Variants in NSMCE2 observed in about 807,000 individuals in gnomAD.
NSMCE2 encodes the protein NSE2 SUMO ligase component of SMC5/6 complex, also known as E3 SUMO-protein ligase NSE2.
NSMCE2 carries 24 observed loss-of-function variants against 23.8 expected under a neutral mutation model. That is an observed-to-expected ratio of 1.01 (90% confidence interval 0.73 to 1.42). The LOEUF (loss-of-function observed/expected upper bound fraction) is 1.42, where lower values mean the gene tolerates loss of function less well. Ranked by LOEUF, NSMCE2 falls within the 40% of genes most tolerant of loss-of-function variation. The pLI, the probability that NSMCE2 is intolerant of heterozygous loss-of-function variation, is 0.00. For synonymous variants in NSMCE2, 92 were observed against 94.1 expected (o/e 0.98, Z 0.13); for missense variants, 284 against 296.5 (o/e 0.96, Z 0.31).
chr8:125,213,512 CTCCT>C (rs1824435584), intron 5 of NSMCE2, among the ~76,000 whole-genome samples: 1 of 137,866 alleles, frequency 7.3e-6, no homozygotes, highest in African/African-American at 2.7e-5. Flanking sequence ...CTCCTCTCCT[CTCCT>C]CTCCTCTCCT....
At chr8:125,294,447 C>T (rs547916452) in intron 5 of NSMCE2, among the ~76,000 whole-genome samples, 57 of 152,284 alleles carry the variant, frequency 3.7e-4, no homozygotes, top group Middle Eastern at 3.4e-3. Flanking sequence ...AATTGCTCCG[C>T]GTCCTCACCA....
intron 5 of NSMCE2, among the ~76,000 whole-genome samples, chr8:125,247,046 G>A (rs1304892914): frequency 1.3e-5 from 2 of 150,964 alleles, no homozygotes; most frequent in East Asian, 3.9e-4. Context: ...AATATTAAGA[G>A]GCCTGGCATG....
intron 5 of NSMCE2, among the ~76,000 whole-genome samples, chr8:125,327,499 T>G (rs1314900323): frequency 1.3e-5 from 2 of 152,148 alleles, no homozygotes; most frequent in Non-Finnish European, 2.9e-5. Flanking sequence ...TTTTACACCT[T>G]ATTTCTTGAT....
At chr8:125,247,494 G>A (rs1826034732) in intron 5 of NSMCE2, among the ~76,000 whole-genome samples, 1 of 152,144 alleles carries the variant, frequency 6.6e-6, no homozygotes, top group Admixed American at 6.5e-5. Flanking sequence ...GGAGCCCAAG[G>A]CCGGTGGATT....
chr8:125,278,529 C>T (rs1286889640), intron 5 of NSMCE2, among the ~76,000 whole-genome samples: 1 of 152,204 alleles, frequency 6.6e-6, no homozygotes, highest in Non-Finnish European at 1.5e-5. Flanking sequence ...TTGCCCTTCA[C>T]ACTCAGGGTG....
intron 7 of NSMCE2, among the ~76,000 whole-genome samples, chr8:125,360,526 A>G (rs1813491163): frequency 6.6e-6 from 1 of 152,184 alleles, no homozygotes; most frequent in African/African-American, 2.4e-5. Flanking sequence ...TGAGAGGATC[A>G]ATCAGCGGAA....
At chr8:125,177,461 A>G (rs1586568656) in intron 4 of NSMCE2, among the ~76,000 whole-genome samples, 1 of 152,154 alleles carries the variant, frequency 6.6e-6, no homozygotes, top group Admixed American at 6.5e-5. Flanking sequence ...AACTATATTC[A>G]TTGGTTCACA....
chr8:125,142,785 G>T (rs928759662), intron 3 of NSMCE2, among the ~76,000 whole-genome samples: 9 of 141,786 alleles, frequency 6.3e-5, no homozygotes, highest in Non-Finnish European at 1.2e-4. Flanking sequence ...TGTATTTTTA[G>T]TAGAGACGGT....
chr8:125,353,659 C>T (rs1418896628), intron 5 of NSMCE2, among the ~76,000 whole-genome samples: 2 of 151,806 alleles, frequency 1.3e-5, no homozygotes, highest in Non-Finnish European at 2.9e-5. Flanking sequence ...CTGAGGCAGG[C>T]GGATCACAAG....
intron 5 of NSMCE2, among the ~76,000 whole-genome samples, chr8:125,226,352 A>G (rs1205309987): frequency 6.6e-6 from 1 of 152,212 alleles, no homozygotes. Context: ...GATAAATTCT[A>G]ATCATGGGAC....
At chr8:125,259,885 C>G (rs1371360223) in intron 5 of NSMCE2, among the ~76,000 whole-genome samples, 1 of 152,166 alleles carries the variant, frequency 6.6e-6, no homozygotes, top group Non-Finnish European at 1.5e-5. Context: ...GATCTTCTGA[C>G]TTCTAGCTCT....
At chr8:125,155,762 G>A (rs1214051144) in intron 4 of NSMCE2, among the ~76,000 whole-genome samples, 1 of 152,176 alleles carries the variant, frequency 6.6e-6, no homozygotes, top group African/African-American at 2.4e-5. Flanking sequence ...GGTAGGTTTG[G>A]AGAGTGAACA....
chr8:125,097,659 T>C (rs1352080661), intron 1 of NSMCE2, among the ~76,000 whole-genome samples: 1 of 152,182 alleles, frequency 6.6e-6, no homozygotes, highest in East Asian at 1.9e-4. Flanking sequence ...GTTTGTGTAA[T>C]CGGTTTCTTT....
intron 5 of NSMCE2, among the ~76,000 whole-genome samples, chr8:125,312,387 A>C (rs778594336): frequency 6.6e-6 from 1 of 152,070 alleles, no homozygotes; most frequent in Non-Finnish European, 1.5e-5. Context: ...GCACTTTGGG[A>C]GGCTGAGGCG....
chr8:125,184,864 A>ATAT (rs1823016541), intron 5 of NSMCE2, among the ~76,000 whole-genome samples: 1 of 152,122 alleles, frequency 6.6e-6, no homozygotes, highest in Non-Finnish European at 1.5e-5. Context: ...ATCTGTTTTG[A>ATAT]GATATGTTCT....
At chr8:125,312,656 T>C (rs1484144920) in intron 5 of NSMCE2, among the ~76,000 whole-genome samples, 1 of 152,072 alleles carries the variant, frequency 6.6e-6, no homozygotes, top group Non-Finnish European at 1.5e-5. Flanking sequence ...AATAAATAAA[T>C]GTGTTGCATC....
intron 1 of NSMCE2, among the ~76,000 whole-genome samples, chr8:125,099,301 C>T (rs1335038563): frequency 6.6e-6 from 1 of 151,882 alleles, no homozygotes. Context: ...TATCAGATGG[C>T]CAGGGAAGGC....
intron 5 of NSMCE2, among the ~76,000 whole-genome samples, chr8:125,327,776 T>C (rs990962539): frequency 6.6e-6 from 1 of 151,960 alleles, no homozygotes; most frequent in Non-Finnish European, 1.5e-5. Flanking sequence ...CCACAAAATA[T>C]ATGTATACAA....
At chr8:125,243,434 GAGA>G (rs1330266682) in intron 5 of NSMCE2, among the ~76,000 whole-genome samples, 5 of 151,990 alleles carry the variant, frequency 3.3e-5, no homozygotes, top group African/African-American at 9.7e-5. Flanking sequence ...GTTCCAAAAG[GAGA>G]AGATTGTGAG....
Sources: gnomAD v4.1 joint callset for allele counts (sites outside exome capture counted in the v4.1 genomes callset) on GRCh38, gnomAD v4.1.1 for gene constraint, MANE v1.5 for transcripts, NCBI Gene and HGNC (gene_info 2026-07-23, HGNC 2026-07-21) for gene names.